The following RIOK3 variants were observed in gnomAD, a reference collection of about 807,000 sequenced individuals.
The protein encoded by RIOK3 is RIO kinase 3, also known as serine/threonine-protein kinase RIO3.
RIOK3 carries 40 observed loss-of-function variants against 63.5 expected under a neutral mutation model. The ratio of observed to expected loss-of-function variants is 0.63; its 90% CI spans 0.49 to 0.82. RIOK3 has a LOEUF of 0.82. Ranked by LOEUF, RIOK3 falls within the 40% of genes least tolerant of loss-of-function variation. RIOK3 has a pLI of 0.00. For synonymous variants in RIOK3, 193 were observed against 205.0 expected (o/e 0.94, Z 0.50); for missense variants, 557 against 637.0 (o/e 0.87, Z 1.35).
chr18:23,453,613 C>A (rs1340683515), intron 1 of RIOK3, 111 bp downstream of exon 1: 1 of 969,020 alleles, frequency 1.0e-6, no homozygotes, highest in Non-Finnish European at 1.6e-6. Context: ...GGGGCGGGAC[C>A]CCGCGGACCT....
At chr18:23,455,293 T>G (rs866165152) in intron 1 of RIOK3, among the ~76,000 whole-genome samples, 32 of 152,124 alleles carry the variant, frequency 2.1e-4, no homozygotes, top group South Asian at 1.2e-3. Flanking sequence ...CAGGCTGGTC[T>G]CAAACTCCGA....
Position 23,474,967 on chromosome 18 carries a change from C to G in RIOK3, c.1033C>G (p.Pro345Ala), listed in dbSNP as rs773886348. Residue 345 changes from proline to alanine, a missense_variant, in exon 9 of 13, where the codon CCT becomes GCT. Physicochemically the swap from Pro to Ala is conservative, Grantham distance 27 (BLOSUM62 -1). Transcript: ENST00000339486. ...NLARMQRAGI[P>A]CPTVVLLKKH... ...GTATAGAATGCAGAGAGCTGGAATT[C>G]CTTGTCCAACAGTTGTACTACTGAA... 1 of 1,610,736 alleles carries G rather than the reference C, an allele frequency of 6.2e-7. No homozygotes were observed. Among genetic ancestry groups the G allele is most frequent in the Admixed American group, 1.7e-5 (1 of 59,866 alleles).
At chr18:23,477,343 G>C in intron 11 of RIOK3, 75 bp downstream of exon 11, 1 of 1,087,460 alleles carries the variant, frequency 9.2e-7, no homozygotes, top group Non-Finnish European at 1.4e-6. Context: ...CCTAAGATAA[G>C]TAAGAGGACC....
intron 7 of RIOK3, among the ~76,000 whole-genome samples, chr18:23,470,496 T>C (rs900792510): frequency 2.6e-5 from 4 of 152,206 alleles, no homozygotes; most frequent in East Asian, 1.9e-4. Context: ...TGGATACTTA[T>C]ATATTATCTT....
chr18:23,470,160 C>T (rs2057446620), intron 7 of RIOK3, among the ~76,000 whole-genome samples: 3 of 151,972 alleles, frequency 2.0e-5, no homozygotes, highest in Middle Eastern at 3.2e-3. Flanking sequence ...GTCAGGAGAT[C>T]GAGACGATCC....
intron 5 of RIOK3, among the ~76,000 whole-genome samples, chr18:23,465,367 G>A (rs778519987): frequency 1.7e-4 from 26 of 151,780 alleles, no homozygotes; most frequent in African/African-American, 5.8e-4. Context: ...GTGAAACTCT[G>A]CCTCAAAAAA....
chr18:23,479,807 C>T (rs1307024861), intron 12 of RIOK3, among the ~76,000 whole-genome samples: 2 of 152,036 alleles, frequency 1.3e-5, no homozygotes, highest in African/African-American at 2.4e-5. Flanking sequence ...GAACTCCTGG[C>T]CTCAAGGGAT....
At chr18:23,455,884 G>A (rs1365237784) in intron 1 of RIOK3, among the ~76,000 whole-genome samples, 3 of 152,090 alleles carry the variant, frequency 2.0e-5, no homozygotes, top group Non-Finnish European at 4.4e-5. Flanking sequence ...TGCAACCTCC[G>A]CCTCCTGGGT....
chr18:23,462,200 C>T (rs1469209022), intron 1 of RIOK3, among the ~76,000 whole-genome samples: 2 of 124,196 alleles, frequency 1.6e-5, no homozygotes, highest in Non-Finnish European at 3.2e-5. Flanking sequence ...AGTGCAGTGG[C>T]GCGATCTCGA....
rs1373907663 is a variant in RIOK3 at position 23,481,411 on chromosome 18, T to G, written c.*132T>G. ...GGTGCTTCTGTGCTTTTCCCCCTTG[T>G]AACCCATGTGCCAGATGTGTGGAAT... On this transcript the variant is annotated 3_prime_UTR_variant, in exon 13 of 13. Coordinates refer to ENST00000339486, the MANE Select transcript of RIOK3 (RefSeq NM_003831.5). The G allele has an allele frequency of 3.6e-5, 21 of 582,344 alleles. No homozygotes were observed. The highest frequency in any genetic ancestry group is 6.0e-5 in the Non-Finnish European group (20 of 335,152). 36.1% of individuals were successfully genotyped at this position (582,344 alleles called of 1,614,324 possible).
Position 23,473,610 on chromosome 18 carries a change from A to T in RIOK3, c.997A>T (p.Met333Leu). The T allele has an allele frequency of 6.2e-7, 1 of 1,613,000 alleles. No individual in the cohort carries two copies. The highest frequency in any genetic ancestry group is 8.5e-7 in the Non-Finnish European group (1 of 1,179,270). Residue 333 changes from methionine (M) to leucine (L), a missense_variant, in exon 8 of 13, where the codon ATG becomes TTG. By Grantham distance (15) the Met-to-Leu change is conservative (BLOSUM62 2). Coordinates refer to ENST00000339486, the MANE Select transcript of RIOK3 (RefSeq NM_003831.5). ...KIIRMWAEKE[M>L]HNLARMQRAG... ...CATCCGCATGTGGGCAGAAAAAGAA[A>T]TGCACAATCTCGCAAGGTAAAGAAA...
chr18:23,453,598 G>A (rs2057318305), intron 1 of RIOK3, 96 bp downstream of exon 1: 2 of 1,125,338 alleles, frequency 1.8e-6, no homozygotes, highest in Non-Finnish European at 2.7e-6. Flanking sequence ...GATTCGGGAA[G>A]TTCTGGGGCG....
Position 23,482,626 on chromosome 18 carries a change from C to A in RIOK3, c.*1347C>A, listed in dbSNP as rs942737469. 6.6e-6 allele frequency: 1 copy of A among 152,044 alleles called. No individual in the cohort carries two copies. The highest frequency in any genetic ancestry group is 2.4e-5 in the African/African-American group (1 of 41,400). 9.4% of individuals were successfully genotyped at this position (152,044 alleles called of 1,614,324 possible). Reference sequence around the variant, plus strand: ...CTGGACACCACTTTTAAAAAGCAATCACTGTGCTAGAAAAGTATATTGGCT... The same window carrying A: ...CTGGACACCACTTTTAAAAAGCAATAACTGTGCTAGAAAAGTATATTGGCT... On this transcript the variant is annotated 3_prime_UTR_variant, in exon 13 of 13. Transcript: ENST00000339486.
At chr18:23,459,374 T>C (rs2057359989) in intron 1 of RIOK3, among the ~76,000 whole-genome samples, 1 of 152,202 alleles carries the variant, frequency 6.6e-6, no homozygotes. Context: ...CAGGAAATAC[T>C]GGAATGCCTC....
At position 23,482,442 on chromosome 18, in the gene RIOK3, A is replaced by C. The variant is rs1307267104; in HGVS notation, c.*1163A>C. Reference sequence around the variant, plus strand: ...GGAGAATCGCTTGAACCCGGGAGGCAGAGGTTGCAGTGAGCTGAGATCATG... The same window carrying C: ...GGAGAATCGCTTGAACCCGGGAGGCCGAGGTTGCAGTGAGCTGAGATCATG... On this transcript the variant is annotated 3_prime_UTR_variant, in exon 13 of 13. Transcript: ENST00000339486. 6.6e-6 allele frequency: 1 copy of C among 151,962 alleles called. No individual in the cohort carries two copies. Among genetic ancestry groups the C allele is most frequent in the Admixed American group, 6.6e-5 (1 of 15,236 alleles). The allele number at this position is 151,962 out of a possible 1,614,324, so 9.4% of individuals were successfully genotyped here. A position where few individuals can be genotyped will look rare whatever the true frequency, so the allele number is the denominator to read the frequency against.
rs962414652 is a variant in RIOK3, at chr18:23,482,533, A to G, written c.*1254A>G. ...TCCAGGAAAAAAAAAAAAAAACCCA[A>G]TTTGGATACCAAATTAATCAACTAA... On this transcript the variant is annotated 3_prime_UTR_variant, in exon 13 of 13. Coordinates refer to ENST00000339486, the MANE Select transcript of RIOK3 (RefSeq NM_003831.5). 6.6e-6 allele frequency: 1 copy of G among 151,222 alleles called. No individual in the cohort carries two copies. Among genetic ancestry groups the G allele is most frequent in the Admixed American group, 6.6e-5 (1 of 15,152 alleles). The allele number at this position is 151,222 out of a possible 1,614,324, so 9.4% of individuals were successfully genotyped here.
At chr18:23,457,408 C>G (rs191838096) in intron 1 of RIOK3, among the ~76,000 whole-genome samples, 1 of 152,000 alleles carries the variant, frequency 6.6e-6, no homozygotes, top group Non-Finnish European at 1.5e-5. Context: ...CTTAAGGAGA[C>G]GTGGCAACTA....
intron 7 of RIOK3, among the ~76,000 whole-genome samples, chr18:23,469,356 T>TC (rs1323063822): frequency 8.2e-4 from 5 of 6,110 alleles, no homozygotes; most frequent in African/African-American, 3.8e-3. Context: ...TCCCCCTCTC[T>TC]CCCTCCCTCC....
At chr18:23,458,134 A>G (rs2057352610) in intron 1 of RIOK3, among the ~76,000 whole-genome samples, 2 of 150,218 alleles carry the variant, frequency 1.3e-5, no homozygotes, top group East Asian at 3.9e-4. Context: ...CGAACTCCTG[A>G]GCTCAAGCAA....
Sources: gnomAD v4.1 joint callset for allele counts (sites outside exome capture counted in the v4.1 genomes callset) on GRCh38, gnomAD v4.1.1 for gene constraint, MANE v1.5 for transcripts, NCBI Gene and HGNC (gene_info 2026-07-23, HGNC 2026-07-21) for gene names.